The following ATOSA variants were observed in gnomAD, a reference collection of about 807,000 sequenced individuals.
ATOSA encodes atos homolog A, also known as atos homolog protein A.
At chr15:52,612,852 A>G in the ATOSA span, among the ~76,000 whole-genome samples, 2 of 152,132 alleles carry the variant, frequency 1.3e-5, no homozygotes, top group African/African-American at 4.8e-5. Context: ...CACATTTGAG[A>G]AACTAATAAG....
the ATOSA span, among the ~76,000 whole-genome samples, chr15:52,638,107 T>C: frequency 6.6e-6 from 1 of 152,194 alleles, no homozygotes; most frequent in Non-Finnish European, 1.5e-5. Flanking sequence ...TAGATGTTCT[T>C]TAACAGGTTG....
chr15:52,657,736 A>G, the ATOSA span: 2 of 152,262 alleles, frequency 1.3e-5, no homozygotes, highest in South Asian at 4.1e-4. Context: ...CAGCAACTTT[A>G]GCTTACACAG....
At chr15:52,595,153 T>C in the ATOSA span, among the ~76,000 whole-genome samples, 2 of 152,222 alleles carry the variant, frequency 1.3e-5, no homozygotes, top group African/African-American at 4.8e-5. Context: ...TCAGTAAAGC[T>C]TTCCTCAATC....
chr15:52,685,229 T>A, the ATOSA span, among the ~76,000 whole-genome samples: 2 of 152,224 alleles, frequency 1.3e-5, no homozygotes, highest in South Asian at 4.1e-4. Context: ...GGAAACTTGC[T>A]GCTTGCCCTA....
chr15:52,666,241 A>G, the ATOSA span, among the ~76,000 whole-genome samples: 1 of 152,198 alleles, frequency 6.6e-6, no homozygotes, highest in Admixed American at 6.5e-5. Flanking sequence ...TAGGGAACCA[A>G]TATATCTGAG....
the ATOSA span, among the ~76,000 whole-genome samples, chr15:52,703,892 A>C: frequency 6.6e-6 from 1 of 152,170 alleles, no homozygotes; most frequent in Non-Finnish European, 1.5e-5. Context: ...CACACAATAG[A>C]GTACTATATC....
chr15:52,627,407 A>C, the ATOSA span, among the ~76,000 whole-genome samples: 1 of 152,198 alleles, frequency 6.6e-6, no homozygotes, highest in Non-Finnish European at 1.5e-5. Context: ...CCAGGTCTAA[A>C]TATTCATCAT....
At chr15:52,636,127 A>ATAT in the ATOSA span, among the ~76,000 whole-genome samples, 125,868 of 146,324 alleles carry the variant, frequency 0.86, 54,570 homozygotes, top group East Asian at 1. Context: ...AATTTAATAA[A>ATAT]TATATATTAA....
chr15:52,641,928 C>A, the ATOSA span, among the ~76,000 whole-genome samples: 8 of 152,320 alleles, frequency 5.3e-5, no homozygotes, highest in African/African-American at 1.4e-4. Context: ...TTGGATGACT[C>A]TGTGGTCATT....
chr15:52,593,775 G>A, the ATOSA span: 1 of 1,504,400 alleles, frequency 6.6e-7, no homozygotes, highest in Non-Finnish European at 8.9e-7. Context: ...AATTAAAAAA[G>A]CTAACACATT....
At chr15:52,689,168 A>G in the ATOSA span, among the ~76,000 whole-genome samples, 1 of 152,100 alleles carries the variant, frequency 6.6e-6, no homozygotes, top group African/African-American at 2.4e-5. Context: ...ACATGCAGAG[A>G]TTTTGCAGAA....
At chr15:52,643,854 A>T in the ATOSA span, among the ~76,000 whole-genome samples, 1,154 of 152,048 alleles carry the variant, frequency 7.6e-3, 16 homozygotes, top group African/African-American at 0.027. Context: ...CGGAGGTTGC[A>T]GTGAGCCGAG....
chr15:52,649,302 C>A, the ATOSA span, among the ~76,000 whole-genome samples: 1 of 152,074 alleles, frequency 6.6e-6, no homozygotes, highest in African/African-American at 2.4e-5. Flanking sequence ...TGTCATATAT[C>A]ACTTAAGGCA....
At chr15:52,615,140 T>C in the ATOSA span, among the ~76,000 whole-genome samples, 1 of 152,148 alleles carries the variant, frequency 6.6e-6, no homozygotes, top group Non-Finnish European at 1.5e-5. Context: ...AAGGAAGAAA[T>C]GCTATTATCC....
the ATOSA span, among the ~76,000 whole-genome samples, chr15:52,669,776 A>G: frequency 1.3e-5 from 2 of 152,374 alleles, no homozygotes; most frequent in South Asian, 4.1e-4. Context: ...GATTCCCAGA[A>G]GAGTCTACCA....
At chr15:52,683,903 G>T in the ATOSA span, among the ~76,000 whole-genome samples, 1 of 152,182 alleles carries the variant, frequency 6.6e-6, no homozygotes. Context: ...TCTGGACTTT[G>T]AAAGCCCAAA....
At chr15:52,617,680 C>A in the ATOSA span, among the ~76,000 whole-genome samples, 2 of 151,108 alleles carry the variant, frequency 1.3e-5, no homozygotes, top group Non-Finnish European at 2.9e-5. Context: ...ACAAACTTAG[C>A]TTCATACAAT....
the ATOSA span, chr15:52,605,225 T>G: frequency 6.2e-7 from 1 of 1,609,516 alleles, no homozygotes; most frequent in Non-Finnish European, 8.5e-7. Context: ...CGCCACACAT[T>G]TGAATGTTTC....
At chr15:52,618,933 A>C in the ATOSA span, among the ~76,000 whole-genome samples, 13 of 151,934 alleles carry the variant, frequency 8.6e-5, no homozygotes, top group Non-Finnish European at 1.8e-4. Flanking sequence ...AAACTTCAAA[A>C]CCATGACTGG....
Sources: gnomAD v4.1 joint callset for allele counts (sites outside exome capture counted in the v4.1 genomes callset) on GRCh38, gnomAD v4.1.1 for gene constraint, MANE v1.5 for transcripts, NCBI Gene and HGNC (gene_info 2026-07-23, HGNC 2026-07-21) for gene names.